SDHA: variants seen among roughly 807,000 people sequenced by gnomAD.
The protein encoded by SDHA is succinate dehydrogenase [ubiquinone] flavoprotein subunit, mitochondrial.
SDHA carries 48 observed loss-of-function variants against 78.4 expected under a neutral mutation model. The ratio of observed to expected loss-of-function variants is 0.61; its 90% CI spans 0.49 to 0.78. The LOEUF is 0.78. Ranked by LOEUF, SDHA falls within the 30% of genes least tolerant of loss-of-function variation. SDHA has a pLI of 0.00. For synonymous variants in SDHA, 326 were observed against 353.9 expected, an observed-to-expected ratio of 0.92 and a Z score of 0.88; for missense variants, 680 against 892.7, an observed-to-expected ratio of 0.76 and a Z score of 3.04.
chr5:218,591 C>T (rs1734522864), intron 1 of SDHA, among the ~76,000 whole-genome samples, 173 bp downstream of exon 1: 1 of 152,194 alleles, frequency 6.6e-6, no homozygotes, highest in Non-Finnish European at 1.5e-5. Flanking sequence ...AGCCGCGGGG[C>T]GGACTCGGGG....
At chr5:262,980 C>G in the SDHA span, among the ~76,000 whole-genome samples, 29 of 152,232 alleles carry the variant, frequency 1.9e-4, no homozygotes, top group South Asian at 8.3e-4. Context: ...TGCCATGCTG[C>G]CCAGGCTGGA....
intron 13 of SDHA, 93 bp from the exon 14 acceptor site, chr5:254,300 C>T (rs1208590547): frequency 8.5e-7 from 1 of 1,178,372 alleles, no homozygotes; most frequent in East Asian, 2.9e-5. Context: ...AGTTCTAGGG[C>T]ATCTGTCTCT....
rs1221402818 is a variant in SDHA at position 228,087 on chromosome 5, G to A, written c.622-98G>A. On this transcript the variant is annotated intron_variant, in intron 5 of 14. Transcript: ENST00000264932. ...CTCCTTGGATTTACCTGGTCCATTT[G>A]GATCAAGTTCTTTCACCTATTCACA... The A allele has an allele frequency of 2.4e-6, 3 of 1,225,158 alleles. No individual in the cohort carries two copies. The East Asian group carries it at 7.1e-5, about 29-fold the overall frequency. 75.9% of individuals were successfully genotyped at this position (1,225,158 alleles called of 1,614,324 possible). A position where few individuals can be genotyped will look rare whatever the true frequency, so the allele number is the denominator to read the frequency against.
intron 8 of SDHA, chr5:234,538 A>G (rs1735643007): frequency 6.5e-6 from 1 of 154,692 alleles, no homozygotes. Flanking sequence ...TGAAAATAAA[A>G]TTGCATCCTT....
intron 11 of SDHA, among the ~76,000 whole-genome samples, chr5:244,159 C>T (rs74962377): frequency 0.034 from 5,117 of 151,910 alleles, 141 homozygotes; most frequent in Middle Eastern, 0.055. Context: ...CTCCCTCACC[C>T]CTGTACAATG....
intron 11 of SDHA, among the ~76,000 whole-genome samples, chr5:241,584 T>C (rs1736143248): frequency 6.6e-6 from 1 of 152,228 alleles, no homozygotes; most frequent in Non-Finnish European, 1.5e-5. Flanking sequence ...GAGAACCTGA[T>C]ACATGGTCAG....
the SDHA span, among the ~76,000 whole-genome samples, chr5:262,343 G>A: frequency 6.9e-5 from 7 of 101,006 alleles, no homozygotes; most frequent in South Asian, 6.7e-4. Context: ...TGTGAGCTCC[G>A]CCTCCCGGCA....
Position 256,857 on chromosome 5 carries a change from A to G in SDHA, c.*437A>G, listed in dbSNP as rs1737238545. Reference sequence around the variant, plus strand: ...TTTTTTTTTGAGACAGGATCGGTGCAGTAGTACAATCACAGCTCACTGCAG... The same window carrying G: ...TTTTTTTTTGAGACAGGATCGGTGCGGTAGTACAATCACAGCTCACTGCAG... On this transcript the variant is annotated 3_prime_UTR_variant, in exon 15 of 15. Transcript: ENST00000264932. Among the ~76,000 whole-genome samples, 1 of 137,292 alleles carries G rather than the reference A, an allele frequency of 7.3e-6. No homozygotes were observed. The highest frequency in any genetic ancestry group is 7.9e-5 in the Admixed American group (1 of 12,620). The allele number at this position is 137,292 out of a possible 152,430, so 90.1% of individuals were successfully genotyped here. A position where few individuals can be genotyped will look rare whatever the true frequency, so the allele number is the denominator to read the frequency against.
In SDHA at chr5:225,460, C is replaced by T. The variant is rs923803277; in HGVS notation, c.354C>T (p.Asn118=). ...CTCTGGGGAACATGGAGGAGGACAACTGGAGGTGGCATTTCTACGACACCG... is the reference window on the plus strand; with the variant it reads ...CTCTGGGGAACATGGAGGAGGACAATTGGAGGTGGCATTTCTACGACACCG... ...NAALGNMEED[N]WRWHFYDTVK... is the part of the protein sequence containing the mutation. The change falls in exon 4 of 15, where the codon AAC becomes AAT. Residue 118 remains asparagine (N), a synonymous_variant. Transcript: ENST00000264932. 6.2e-7 allele frequency: 1 copy of T among 1,613,210 alleles called. No homozygotes were observed. Among genetic ancestry groups the T allele is most frequent in the Non-Finnish European group, 8.5e-7 (1 of 1,179,848 alleles).
chr5:229,233 T>C (rs9688136), intron 6 of SDHA, among the ~76,000 whole-genome samples: 36,570 of 152,162 alleles, frequency 0.24, 6,852 homozygotes, highest in African/African-American at 0.52. Context: ...ATAGGACTAC[T>C]ATGTGCTCCA....
chr5:259,289 A>G (rs1737395546), downstream of SDHA, among the ~76,000 whole-genome samples: 1 of 48,176 alleles, frequency 2.1e-5, no homozygotes, highest in South Asian at 7.2e-4. Context: ...CCAGAGCATT[A>G]CCGTGTGAGC....
At chr5:259,177 C>T (rs1237219969), downstream of SDHA, among the ~76,000 whole-genome samples, 11 of 53,896 alleles carry the variant, frequency 2.0e-4, no homozygotes, top group African/African-American at 1.9e-3. Flanking sequence ...TGAGCTCCGC[C>T]TCCCGTCAGA....
chr5:218,344 G>C lies in SDHA; in HGVS notation c.-12G>C, dbSNP rs770138551. On this transcript the variant is annotated 5_prime_UTR_variant, in exon 1 of 15. Transcript: ENST00000264932. The stretch of plus-strand genomic sequence containing the variant: ...CAGGGACTGGCGGGACTGCGCGGCG[G>C]CAACAGCAGACATGTCGGGGGTCCG... 15 of 1,449,358 alleles carry C rather than the reference G, an allele frequency of 1.0e-5. No homozygotes were observed. Among genetic ancestry groups the C allele is most frequent in the South Asian group, 1.4e-5 (1 of 69,618 alleles). 89.8% of individuals were successfully genotyped at this position (1,449,358 alleles called of 1,614,324 possible).
In SDHA at chr5:252,400, A is replaced by AT. The variant is rs1211965071; in HGVS notation, c.1794+934dup. Reference sequence around the variant, plus strand: ...TGCCCTGTGGAGGAAATGCCAGTTTATTAAATAACGAGTAAGCCACCGTTT... The same window carrying AT: ...TGCCCTGTGGAGGAAATGCCAGTTTATTTAAATAACGAGTAAGCCACCGTTT... On this transcript the variant is annotated intron_variant, in intron 13 of 14. Transcript: ENST00000264932. 1.4e-5 allele frequency among the ~76,000 whole-genome samples: 2 copies of AT among 143,462 alleles called. 1 individual carries two copies. The highest frequency in any genetic ancestry group is 4.3e-4 in the South Asian group (2 of 4,652). The allele number at this position is 143,462 out of a possible 152,430, so 94.1% of individuals were successfully genotyped here.
intron 2 of SDHA, 33 bp downstream of exon 2, chr5:223,601 A>G: frequency 6.4e-7 from 1 of 1,557,482 alleles, no homozygotes; most frequent in Non-Finnish European, 8.9e-7. Context: ...ATTATAAATG[A>G]TTTTTTTGGC....
chr5:224,978 C>CG, intron 3 of SDHA: 1 of 328,424 alleles, frequency 3.0e-6, no homozygotes, highest in Non-Finnish European at 5.8e-6. Flanking sequence ...GAGTGCGACT[C>CG]TGAGTGTGGA....
chr5:223,710 A>C, intron 2 of SDHA, 142 bp downstream of exon 2: 1 of 685,448 alleles, frequency 1.5e-6, no homozygotes, highest in Middle Eastern at 3.6e-4. Flanking sequence ...AATTATTTTC[A>C]GTGTAATAAT....
Position 227,099 on chromosome 5 carries a change from C to T in SDHA, c.621+1052C>T, listed in dbSNP as rs539610234. ...AATCTCAGCTCACTGCTACTTCCAC[C>T]TCCTGGATTCAAGTGATTCTCCTGC... On this transcript the variant is annotated intron_variant, in intron 5 of 14. Coordinates refer to ENST00000264932, the MANE Select transcript of SDHA (RefSeq NM_004168.4). 2.6e-5 allele frequency among the ~76,000 whole-genome samples: 4 copies of T among 152,184 alleles called. No homozygotes were observed. In the South Asian group the frequency reaches 8.3e-4, roughly 32 times the overall value.
At chr5:265,393 T>A in the SDHA span, among the ~76,000 whole-genome samples, 2 of 152,132 alleles carry the variant, frequency 1.3e-5, no homozygotes, top group Non-Finnish European at 2.9e-5. Context: ...GAATTCATAG[T>A]GATGGTTTCA....
Sources: gnomAD v4.1 joint callset for allele counts (sites outside exome capture counted in the v4.1 genomes callset) on GRCh38, gnomAD v4.1.1 for gene constraint, MANE v1.5 for transcripts, NCBI Gene and HGNC (gene_info 2026-07-23, HGNC 2026-07-21) for gene names.